The following SVOP variants were observed in gnomAD, a reference collection of about 807,000 sequenced individuals.
SVOP encodes the protein SV2 related protein, also known as synaptic vesicle 2-related protein.
In SVOP, 17 loss-of-function variants were observed where a neutral mutation model predicts 69.1. The ratio of observed to expected loss-of-function variants is 0.25; its 90% CI spans 0.17 to 0.37. SVOP has a LOEUF of 0.37. Ranked by LOEUF, SVOP falls within the 10% of genes least tolerant of loss-of-function variation. The pLI is 1.00. For missense variants in SVOP, 435 were observed against 597.5 expected, an observed-to-expected ratio of 0.73 and a Z score of 2.84; for synonymous variants, 238 against 238.6, an observed-to-expected ratio of 1.00 and a Z score of 0.02.
In SVOP at chr12:108,911,822, C is replaced by T. The variant is rs2039685216; in HGVS notation, c.*713G>A. ...AGCTTGATTCACTTTGGCCTCAGTC[C>T]TCAGTTCCCAGGGGGTAACGGCGTT... is the stretch of plus-strand genomic sequence containing the variant. On this transcript the variant is annotated 3_prime_UTR_variant, in exon 16 of 16. Transcript: ENST00000610966. 1 of 152,250 alleles carries T rather than the reference C, an allele frequency of 6.6e-6. No homozygotes were observed. Among genetic ancestry groups the T allele is most frequent in the South Asian group, 2.1e-4 (1 of 4,834 alleles). 9.4% of individuals were successfully genotyped at this position (152,250 alleles called of 1,614,324 possible).
intron 1 of SVOP, among the ~76,000 whole-genome samples, chr12:108,994,012 C>T (rs1020218871): frequency 2.6e-5 from 4 of 152,278 alleles, no homozygotes; most frequent in African/African-American, 7.2e-5. Flanking sequence ...GTCACATCTT[C>T]GCCGCAAGGA....
intron 1 of SVOP, among the ~76,000 whole-genome samples, chr12:108,994,423 G>C (rs1593202975): frequency 6.6e-6 from 1 of 152,168 alleles, no homozygotes; most frequent in South Asian, 2.1e-4. Flanking sequence ...GAACCCGGGA[G>C]GCAGAGGTTG....
At chr12:108,941,711 G>A (rs1195525631) in intron 7 of SVOP, among the ~76,000 whole-genome samples, 1 of 151,904 alleles carries the variant, frequency 6.6e-6, no homozygotes, top group East Asian at 1.9e-4. Context: ...GCCCAGGCTG[G>A]AGTATAGTGG....
intron 1 of SVOP, among the ~76,000 whole-genome samples, chr12:109,019,655 C>A (rs975821501): frequency 6.6e-6 from 1 of 152,118 alleles, no homozygotes; most frequent in Non-Finnish European, 1.5e-5. Flanking sequence ...CATCCTCTAG[C>A]ATTTGTGAAA....
chr12:108,914,915 C>T (rs1310195794), intron 15 of SVOP, among the ~76,000 whole-genome samples: 1 of 151,424 alleles, frequency 6.6e-6, no homozygotes, highest in East Asian at 2.0e-4. Flanking sequence ...GTGGCTCATG[C>T]CTGTAATCCC....
intron 13 of SVOP, 49 bp downstream of exon 13, chr12:108,919,626 A>G (rs2039736472): frequency 6.1e-6 from 9 of 1,477,578 alleles, no homozygotes; most frequent in Admixed American, 2.0e-5. Context: ...ACCTGCACCC[A>G]CACCTCCACC....
intron 5 of SVOP, among the ~76,000 whole-genome samples, chr12:108,964,789 G>T (rs1408021675): frequency 6.6e-6 from 1 of 152,076 alleles, no homozygotes; most frequent in Non-Finnish European, 1.5e-5. Context: ...TAGATTGATA[G>T]CTCCTTCCTT....
intron 5 of SVOP, among the ~76,000 whole-genome samples, chr12:108,965,219 GGTT>G (rs998998299): frequency 4.6e-5 from 7 of 152,196 alleles, no homozygotes; most frequent in Non-Finnish European, 7.3e-5. Flanking sequence ...TGTGAACAAA[GGTT>G]GTTATTTTCA....
chr12:108,921,345 C>T (rs911002967), intron 12 of SVOP, among the ~76,000 whole-genome samples: 2 of 152,110 alleles, frequency 1.3e-5, no homozygotes, highest in African/African-American at 4.8e-5. Context: ...CTGTGGGGTA[C>T]TCAGTATCAT....
intron 5 of SVOP, among the ~76,000 whole-genome samples, chr12:108,970,460 T>G (rs1027216368): frequency 2.6e-5 from 4 of 152,202 alleles, no homozygotes; most frequent in African/African-American, 9.7e-5. Context: ...AACGCGCTAT[T>G]TTATTTTCAG....
chr12:108,953,892 G>T (rs944738491), intron 6 of SVOP, among the ~76,000 whole-genome samples: 1 of 151,956 alleles, frequency 6.6e-6, no homozygotes, highest in South Asian at 2.1e-4. Context: ...CAGGCGAATC[G>T]CTTGAGGTCA....
rs940485908 is a variant in SVOP, at chr12:108,918,255, C to T, written c.1269-131G>A. On this transcript the variant is annotated intron_variant, in intron 13 of 15. Transcript: ENST00000610966. The stretch of plus-strand genomic sequence containing the variant: ...TACCCCTCCCCGATGCTCATTGATA[C>T]AGACATGCAGGCACACATATTTCAG... The T allele has an allele frequency of 6.8e-6, 4 of 584,940 alleles. No homozygotes were observed. In the African/African-American group the frequency reaches 7.6e-5, roughly 11 times the overall value. The allele number at this position is 584,940 out of a possible 1,614,324, so 36.2% of individuals were successfully genotyped here. A position where few individuals can be genotyped will look rare whatever the true frequency, so the allele number is the denominator to read the frequency against.
At chr12:108,986,779 G>A (rs966759197) in intron 1 of SVOP, among the ~76,000 whole-genome samples, 1 of 82,772 alleles carries the variant, frequency 1.2e-5, no homozygotes, top group African/African-American at 7.3e-5. Flanking sequence ...TGATCGGGGA[G>A]GGGGGGGTCT....
At chr12:108,914,884 A>T (rs1451892473) in intron 15 of SVOP, among the ~76,000 whole-genome samples, 4 of 151,320 alleles carry the variant, frequency 2.6e-5, no homozygotes, top group African/African-American at 9.7e-5. Flanking sequence ...AAAAAAAAAA[A>T]AATTTTTTTG....
At chr12:108,974,188 A>G (rs550543243) in intron 4 of SVOP, among the ~76,000 whole-genome samples, 1 of 152,334 alleles carries the variant, frequency 6.6e-6, no homozygotes, top group Non-Finnish European at 1.5e-5. Flanking sequence ...AGTGACAAAT[A>G]GGAACAGACC....
chr12:108,977,618 C>T lies in SVOP; in HGVS notation c.283-122G>A, dbSNP rs2040113853. 6 of 607,176 alleles carry T rather than the reference C, an allele frequency of 9.9e-6. No individual in the cohort carries two copies. The East Asian group carries it at 1.7e-4, about 17-fold the overall frequency. The allele number at this position is 607,176 out of a possible 1,614,324, so 37.6% of individuals were successfully genotyped here. On this transcript the variant is annotated intron_variant, in intron 3 of 15. Transcript: ENST00000610966. The stretch of plus-strand genomic sequence containing the variant: ...ACCCCTCTCTACCCATTGCCAAGTG[C>T]CCTGCTGCACATCAAACCACACTCA...
intron 2 of SVOP, among the ~76,000 whole-genome samples, 184 bp downstream of exon 2, chr12:108,983,417 G>A (rs1450842616): frequency 2.0e-5 from 3 of 152,274 alleles, no homozygotes; most frequent in African/African-American, 7.2e-5. Flanking sequence ...TGACTGGCAG[G>A]GATTGTGATG....
chr12:109,007,189 C>T (rs1400670977), intron 1 of SVOP, among the ~76,000 whole-genome samples: 2 of 152,150 alleles, frequency 1.3e-5, no homozygotes, highest in African/African-American at 2.4e-5. Context: ...AACCAGTATC[C>T]CTCAGCTTTG....
intron 2 of SVOP, among the ~76,000 whole-genome samples, chr12:108,980,215 T>C (rs2040128301): frequency 6.6e-6 from 1 of 152,028 alleles, no homozygotes; most frequent in Non-Finnish European, 1.5e-5. Flanking sequence ...CTAAACTAAA[T>C]TAAAACACTA....
Sources: gnomAD v4.1 joint callset for allele counts (sites outside exome capture counted in the v4.1 genomes callset) on GRCh38, gnomAD v4.1.1 for gene constraint, MANE v1.5 for transcripts, NCBI Gene and HGNC (gene_info 2026-07-23, HGNC 2026-07-21) for gene names.